Variants in TJP1 observed in about 807,000 individuals in gnomAD.
The protein encoded by TJP1 is tight junction protein ZO-1.
Under a neutral mutation model 194.2 loss-of-function variants are expected in TJP1, and 43 were observed. That is an observed-to-expected ratio of 0.22 (90% CI 0.17 to 0.29). The LOEUF (loss-of-function observed/expected upper bound fraction) is 0.29, where lower values mean the gene tolerates loss of function less well. Among genes scored for constraint, TJP1 ranks in the 10% least tolerant of loss-of-function variants. The pLI is 1.00. For synonymous variants in TJP1, 801 were observed against 779.0 expected (o/e 1.03, Z -0.47); for missense variants, 1,971 against 2,185.7 (o/e 0.90, Z 1.96).
intron 15 of TJP1, chr15:29,729,117 C>T (rs1159720101): frequency 6.6e-6 from 1 of 152,168 alleles, no homozygotes; most frequent in African/African-American, 2.4e-5. Context: ...TTACCACCAA[C>T]TTCCTTCAGG....
chr15:29,900,371 A>G (rs2053599168), intron 2 of TJP1, among the ~76,000 whole-genome samples: 1 of 152,170 alleles, frequency 6.6e-6, no homozygotes, highest in Non-Finnish European at 1.5e-5. Context: ...CTTACCTTTA[A>G]CAGGATCCTT....
chr15:29,900,308 G>A (rs1385772179), intron 2 of TJP1, among the ~76,000 whole-genome samples: 6 of 152,190 alleles, frequency 3.9e-5, no homozygotes, highest in Admixed American at 1.3e-4. Context: ...GGCTTTGACT[G>A]AGTGAGATGA....
intron 2 of TJP1, among the ~76,000 whole-genome samples, chr15:29,830,429 G>A (rs1430907998): frequency 1.3e-5 from 2 of 149,986 alleles, no homozygotes; most frequent in Non-Finnish European, 3.0e-5. Flanking sequence ...CAATTTATAT[G>A]AACATTACCA....
At chr15:29,822,532 G>C, upstream of TJP1, 2 of 977,214 alleles carry the variant, frequency 2.0e-6, no homozygotes, top group South Asian at 4.7e-5. Context: ...TGGACGAGGC[G>C]AGGCGAGGCG....
intron 2 of TJP1, among the ~76,000 whole-genome samples, chr15:29,934,027 C>T (rs17672247): frequency 0.32 from 47,577 of 147,212 alleles, 8,934 homozygotes; most frequent in East Asian, 0.63. Context: ...TTATAAGAGA[C>T]GAAAAAAAAT....
chr15:29,880,665 T>C (rs144427802), intron 2 of TJP1, among the ~76,000 whole-genome samples: 13 of 152,356 alleles, frequency 8.5e-5, no homozygotes, highest in Non-Finnish European at 1.9e-4. Context: ...ACTATATTTA[T>C]AGATATCTCA....
intron 2 of TJP1, among the ~76,000 whole-genome samples, chr15:29,836,540 G>A (rs967877938): frequency 1.3e-5 from 2 of 152,108 alleles, no homozygotes. Flanking sequence ...CAAGTACTGA[G>A]ATTACAGGCC....
At chr15:29,773,187 G>A (rs779549461) in intron 3 of TJP1, 46 bp downstream of exon 3, 4 of 1,607,338 alleles carry the variant, frequency 2.5e-6, no homozygotes, top group African/African-American at 1.3e-5. Flanking sequence ...CCTGAGGAGA[G>A]GAACACTGCT....
chr15:29,812,787 A>T (rs911483651), intron 1 of TJP1, among the ~76,000 whole-genome samples: 1 of 152,206 alleles, frequency 6.6e-6, no homozygotes, highest in East Asian at 1.9e-4. Context: ...AATGCACATA[A>T]AACACTTAGC....
intron 2 of TJP1, among the ~76,000 whole-genome samples, chr15:29,871,146 G>A (rs1036081194): frequency 1.3e-5 from 2 of 152,146 alleles, no homozygotes; most frequent in South Asian, 2.1e-4. Flanking sequence ...ACTTAGAGAC[G>A]GTAACAGAAG....
chr15:29,843,437 C>T lies in TJP1; in HGVS notation c.307-42735G>A, dbSNP rs2051301224. Among the ~76,000 whole-genome samples the T allele has an allele frequency of 2.0e-5, 3 of 152,166 alleles. No homozygotes were observed. In the South Asian group the frequency reaches 6.2e-4, roughly 32 times the overall value. On this transcript the variant is annotated intron_variant, in intron 2 of 28. Transcript: ENST00000356107. The stretch of plus-strand genomic sequence containing the variant: ...CTCCCAACCTCAGGTGATCCGCCAG[C>T]CTCAGCCTCCCAAAATGCTGGGATT...
chr15:29,827,627 G>A (rs2050716025), intron 2 of TJP1, among the ~76,000 whole-genome samples: 2 of 152,170 alleles, frequency 1.3e-5, no homozygotes, highest in African/African-American at 2.4e-5. Flanking sequence ...TTTAAAACTG[G>A]TGTTGCACAA....
chr15:29,917,973 C>T (rs535173690), intron 2 of TJP1, among the ~76,000 whole-genome samples: 1 of 152,286 alleles, frequency 6.6e-6, no homozygotes, highest in South Asian at 2.1e-4. Flanking sequence ...CTGTACTTAT[C>T]AAACACTAAC....
At chr15:29,751,829 T>C (rs1447184474) in intron 8 of TJP1, among the ~76,000 whole-genome samples, 1 of 152,216 alleles carries the variant, frequency 6.6e-6, no homozygotes, top group African/African-American at 2.4e-5. Flanking sequence ...GTGGAGCAGT[T>C]TGTTTTTAAA....
chr15:29,917,501 G>C (rs1472144436), intron 2 of TJP1, among the ~76,000 whole-genome samples: 1 of 152,204 alleles, frequency 6.6e-6, no homozygotes, highest in Non-Finnish European at 1.5e-5. Flanking sequence ...CTTTTCAGAA[G>C]ATGGAAAATG....
At chr15:29,932,423 A>G (rs1257259704) in intron 2 of TJP1, among the ~76,000 whole-genome samples, 1 of 152,188 alleles carries the variant, frequency 6.6e-6, no homozygotes, top group Non-Finnish European at 1.5e-5. Context: ...ACAACTGGTA[A>G]TCCACATTGA....
At chr15:29,832,125 C>T (rs1160639872) in intron 2 of TJP1, among the ~76,000 whole-genome samples, 1 of 152,042 alleles carries the variant, frequency 6.6e-6, no homozygotes, top group Non-Finnish European at 1.5e-5. Context: ...TTCTTCCATC[C>T]CTTGAATCTG....
intron 2 of TJP1, among the ~76,000 whole-genome samples, chr15:29,920,550 G>A (rs1427078229): frequency 2.0e-5 from 3 of 152,184 alleles, no homozygotes; most frequent in South Asian, 2.1e-4. Context: ...AGAATATGCC[G>A]CCTCAGCCTT....
intron 23 of TJP1, among the ~76,000 whole-genome samples, chr15:29,712,571 T>C (rs901499858): frequency 6.6e-6 from 1 of 152,126 alleles, no homozygotes; most frequent in African/African-American, 2.4e-5. Context: ...TCACTAACTC[T>C]CATTTGGCCA....
Sources: allele counts gnomAD v4.1 joint callset (sites outside exome capture counted in the v4.1 genomes callset), GRCh38; gene constraint gnomAD v4.1.1; transcripts MANE v1.5; gene names NCBI Gene and HGNC (gene_info 2026-07-23, HGNC 2026-07-21).